The following ARSG variants were observed in gnomAD, a reference collection of about 807,000 sequenced individuals.
ARSG encodes ASG.
In ARSG, 37 loss-of-function variants were observed where a neutral mutation model predicts 50.5. That is an observed-to-expected ratio of 0.73 (90% CI 0.56 to 0.96). The LOEUF is 0.96. Among genes scored for constraint, ARSG ranks in the 50% least tolerant of loss-of-function variants. The pLI, the probability that ARSG is intolerant of heterozygous loss-of-function variation, is 0.00. For synonymous variants in ARSG, 225 were observed against 254.6 expected, an observed-to-expected ratio of 0.88 and a Z score of 1.11; for missense variants, 629 against 675.3, an observed-to-expected ratio of 0.93 and a Z score of 0.76.
chr17:68,433,642 G>T, the ARSG span: 5 of 1,307,690 alleles, frequency 3.8e-6, no homozygotes, highest in Non-Finnish European at 4.3e-6. Context: ...ATAACTCAGA[G>T]ATCAGCTTTA....
chr17:68,395,030 A>G (rs1158516417), intron 9 of ARSG, 43 bp from the exon 10 acceptor site: 1 of 1,610,520 alleles, frequency 6.2e-7, no homozygotes, highest in Admixed American at 1.7e-5. Flanking sequence ...TCAGGGAGCG[A>G]GTCAGAAGAG....
intron 6 of ARSG, among the ~76,000 whole-genome samples, chr17:68,362,915 C>A (rs1323910298): frequency 1.3e-5 from 2 of 152,058 alleles, no homozygotes; most frequent in Non-Finnish European, 2.9e-5. Flanking sequence ...CCCCAGTGCC[C>A]AGTTAGAGCT....
intron 2 of ARSG, among the ~76,000 whole-genome samples, chr17:68,341,039 G>A (rs1203329276): frequency 6.6e-6 from 1 of 151,898 alleles, no homozygotes; most frequent in Non-Finnish European, 1.5e-5. Context: ...ACATAAAATC[G>A]TTTCAAAATC....
At chr17:68,339,833 C>G (rs908250703) in intron 2 of ARSG, among the ~76,000 whole-genome samples, 1 of 152,190 alleles carries the variant, frequency 6.6e-6, no homozygotes, top group African/African-American at 2.4e-5. Context: ...TGACACTAAA[C>G]TTAATCATTT....
At chr17:68,286,855 G>A (rs1254589290), upstream of ARSG, among the ~76,000 whole-genome samples, 2 of 152,212 alleles carry the variant, frequency 1.3e-5, no homozygotes, top group Non-Finnish European at 2.9e-5. Context: ...AGCGAAGCCT[G>A]GTGGCCCAAG....
At chr17:68,355,701 C>T (rs991086025) in intron 5 of ARSG, among the ~76,000 whole-genome samples, 14 of 151,842 alleles carry the variant, frequency 9.2e-5, no homozygotes, top group Non-Finnish European at 8.8e-5. Flanking sequence ...CTCAGCCTCC[C>T]AAAGTATTGG....
rs746868665 is a variant in ARSG at position 68,346,635 on chromosome 17, C to G, written c.407-490C>G. The G allele has an allele frequency of 2.4e-4, 230 of 938,958 alleles. 2 individuals are homozygous for G. Among genetic ancestry groups the G allele is most frequent in the Non-Finnish European group, 3.1e-4 (220 of 714,540 alleles). The allele number at this position is 938,958 out of a possible 1,614,324, so 58.2% of individuals were successfully genotyped here. A position where few individuals can be genotyped will look rare whatever the true frequency, so the allele number is the denominator to read the frequency against. On this transcript the variant is annotated intron_variant, in intron 3 of 11. Coordinates refer to ENST00000621439, the MANE Select transcript of ARSG (RefSeq NM_001267727.2). Reference sequence around the variant, plus strand: ...GTCTGAGTTTCCTCATTTGCTGCCCCGTAGGTGTCTCGGTGCTTGAACTGC... The same window carrying G: ...GTCTGAGTTTCCTCATTTGCTGCCCGGTAGGTGTCTCGGTGCTTGAACTGC...
At chr17:68,388,922 CAAAAAAAAA>C (rs35105754) in intron 9 of ARSG, among the ~76,000 whole-genome samples, 9 of 108,050 alleles carry the variant, frequency 8.3e-5, no homozygotes, top group African/African-American at 3.2e-4. Flanking sequence ...GACTCTGTCT[CAAAAAAAAA>C]AAAAAAAAAA....
the ARSG span, chr17:68,434,673 C>T: frequency 6.0e-5 from 95 of 1,594,858 alleles, 2 homozygotes; most frequent in East Asian, 2.0e-3. Flanking sequence ...AGTGGCTTTA[C>T]ACAGAGATGT....
At chr17:68,269,042 G>C (rs1269814413) in intron 1 of ARSG, 2 of 1,591,732 alleles carry the variant, frequency 1.3e-6, no homozygotes, top group African/African-American at 2.7e-5. Context: ...TCCCCGTTGG[G>C]CCCACCCCAT....
intron 1 of ARSG, among the ~76,000 whole-genome samples, chr17:68,281,013 C>G (rs1381550263): frequency 6.6e-6 from 1 of 151,718 alleles, no homozygotes; most frequent in Admixed American, 6.6e-5. Flanking sequence ...GTAGTCCCAG[C>G]TGCTTGGGAG....
At position 68,284,554 on chromosome 17, in the gene ARSG, T is replaced by C. The variant is rs112117618; in HGVS notation, c.-551-22389T>C. Reference sequence around the variant, plus strand: ...CAAAGTTACTAAGGCAAAGGTTTTATTGAAAGTAGAAGGCAACTGAAAAAT... The same window carrying C: ...CAAAGTTACTAAGGCAAAGGTTTTACTGAAAGTAGAAGGCAACTGAAAAAT... On this transcript the variant is annotated intron_variant, in intron 1 of 11. Coordinates refer to the ARSG transcript ENST00000448504. Among the ~76,000 whole-genome samples the C allele has an allele frequency of 2.3e-3, 353 of 152,318 alleles. 2 individuals are homozygous for C. Among genetic ancestry groups the C allele is most frequent in the Non-Finnish European group, 4.1e-3 (282 of 68,042 alleles).
At chr17:68,425,857 C>G (rs117751996), downstream of ARSG, 18 of 521,034 alleles carry the variant, frequency 3.5e-5, no homozygotes, top group Admixed American at 6.0e-4. Context: ...TTCGGTGACT[C>G]TAATGCCATC....
At chr17:68,284,459 A>G (rs939801836) in intron 1 of ARSG, among the ~76,000 whole-genome samples, 2 of 152,226 alleles carry the variant, frequency 1.3e-5, no homozygotes, top group Admixed American at 6.5e-5. Flanking sequence ...ACAATTGTAT[A>G]CAGGTGAATT....
the ARSG span, among the ~76,000 whole-genome samples, chr17:68,433,760 G>GTTTTTTT: frequency 6.2e-4 from 45 of 72,818 alleles, 4 homozygotes; most frequent in African/African-American, 1.2e-3. Flanking sequence ...AAGGGTCATA[G>GTTTTTTT]TTTTTTTTTT....
chr17:68,450,820 G>T, the ARSG span: 1 of 1,614,150 alleles, frequency 6.2e-7, no homozygotes, highest in Non-Finnish European at 8.5e-7. Context: ...TTCATCTGCC[G>T]TGGTTTTGTG....
chr17:68,276,097 CTTT>C (rs1295936506), intron 1 of ARSG, among the ~76,000 whole-genome samples: 1 of 151,896 alleles, frequency 6.6e-6, no homozygotes, highest in Non-Finnish European at 1.5e-5. Context: ...CTCTCTCTCT[CTTT>C]TTTTATTTTT....
intron 2 of ARSG, among the ~76,000 whole-genome samples, chr17:68,338,172 C>T (rs2078111801): frequency 6.6e-6 from 1 of 151,928 alleles, no homozygotes; most frequent in African/African-American, 2.4e-5. Flanking sequence ...TCACATTGAG[C>T]TGTATTTGAA....
chr17:68,337,718 A>AGG, intron 2 of ARSG, among the ~76,000 whole-genome samples: 1 of 152,222 alleles, frequency 6.6e-6, no homozygotes. Flanking sequence ...CCTGGATTCC[A>AGG]GTGATTCTCC....
Sources: allele counts gnomAD v4.1 joint callset (sites outside exome capture counted in the v4.1 genomes callset), GRCh38; gene constraint gnomAD v4.1.1; transcripts MANE v1.5; gene names NCBI Gene and HGNC (gene_info 2026-07-23, HGNC 2026-07-21).